Variants in DIS3L2 observed in about 807,000 individuals in gnomAD.
DIS3L2 encodes the protein DIS3-like exonuclease 2.
Under a neutral mutation model 97.5 loss-of-function variants are expected in DIS3L2, and 34 were observed. That is an observed-to-expected ratio of 0.35 (90% CI 0.27 to 0.46). DIS3L2 has a LOEUF of 0.46. DIS3L2 is among the 20% of genes least tolerant of loss of function. The pLI, the probability that DIS3L2 is intolerant of heterozygous loss-of-function variation, is 1.00. For missense variants in DIS3L2, 1,038 were observed against 1,146.0 expected, an observed-to-expected ratio of 0.91 and a Z score of 1.36; for synonymous variants, 435 against 445.2, an observed-to-expected ratio of 0.98 and a Z score of 0.29.
At chr2:232,172,184 T>G (rs1691011837) in intron 9 of DIS3L2, among the ~76,000 whole-genome samples, 1 of 152,224 alleles carries the variant, frequency 6.6e-6, no homozygotes, top group Non-Finnish European at 1.5e-5. Context: ...AAATTAATCA[T>G]TTTAAATTCA....
chr2:232,123,922 A>G (rs1428236844), intron 6 of DIS3L2, among the ~76,000 whole-genome samples: 1 of 152,204 alleles, frequency 6.6e-6, no homozygotes, highest in African/African-American at 2.4e-5. Flanking sequence ...CAAAGAATCT[A>G]AAGTCTTGAA....
At chr2:232,320,369 C>G (rs1004491073) in intron 14 of DIS3L2, among the ~76,000 whole-genome samples, 1 of 152,292 alleles carries the variant, frequency 6.6e-6, no homozygotes, top group South Asian at 2.1e-4. Context: ...TTCTTTTAAT[C>G]TTCTGTGTTT....
At chr2:232,209,187 G>T (rs947553708) in intron 9 of DIS3L2, among the ~76,000 whole-genome samples, 2 of 152,112 alleles carry the variant, frequency 1.3e-5, no homozygotes, top group Non-Finnish European at 2.9e-5. Flanking sequence ...GTTACTAGGA[G>T]TAGGGTAAGT....
At chr2:232,060,552 A>G (rs1695675832) in intron 5 of DIS3L2, among the ~76,000 whole-genome samples, 1 of 152,114 alleles carries the variant, frequency 6.6e-6, no homozygotes, top group African/African-American at 2.4e-5. Context: ...TGTTTTGGTT[A>G]CTATAGCTCT....
intron 10 of DIS3L2, among the ~76,000 whole-genome samples, chr2:232,234,425 C>T (rs1192165361): frequency 2.6e-5 from 4 of 152,358 alleles, no homozygotes; most frequent in Admixed American, 2.6e-4. Context: ...TCTTGGCTCA[C>T]TGCAACCTCC....
At chr2:232,280,641 C>T (rs887418968) in intron 13 of DIS3L2, among the ~76,000 whole-genome samples, 3 of 152,278 alleles carry the variant, frequency 2.0e-5, no homozygotes, top group African/African-American at 7.2e-5. Context: ...GGGAAGAAAG[C>T]CTGGTGTGGG....
intron 14 of DIS3L2, among the ~76,000 whole-genome samples, chr2:232,318,918 C>CT (rs2106337615): frequency 6.6e-6 from 1 of 152,350 alleles, no homozygotes; most frequent in East Asian, 1.9e-4. Flanking sequence ...CCCACCGTCT[C>CT]TCCCTGAAAC....
intron 6 of DIS3L2, among the ~76,000 whole-genome samples, chr2:232,128,062 C>T (rs908532767): frequency 1.3e-5 from 2 of 152,088 alleles, no homozygotes; most frequent in Non-Finnish European, 2.9e-5. Flanking sequence ...GTGATCCTCC[C>T]ACGTGAACCT....
At chr2:232,057,225 G>C (rs1695569845) in intron 5 of DIS3L2, among the ~76,000 whole-genome samples, 1 of 152,078 alleles carries the variant, frequency 6.6e-6, no homozygotes, top group Non-Finnish European at 1.5e-5. Flanking sequence ...AATTGAAAGG[G>C]GCAAGAGAAG....
chr2:232,255,289 C>A (rs1032679656), intron 12 of DIS3L2, among the ~76,000 whole-genome samples: 6 of 152,168 alleles, frequency 3.9e-5, no homozygotes. Context: ...CTTCTCTTGG[C>A]GTAAAGGTTT....
At chr2:232,078,997 G>A (rs1411110526) in intron 5 of DIS3L2, among the ~76,000 whole-genome samples, 1 of 152,218 alleles carries the variant, frequency 6.6e-6, no homozygotes, top group Non-Finnish European at 1.5e-5. Flanking sequence ...TAGATACAGT[G>A]TGCCATCTCT....
intron 1 of DIS3L2, among the ~76,000 whole-genome samples, chr2:231,967,277 AATTCTGCATTATAAGTT>A (rs1230967965): frequency 1.3e-5 from 2 of 152,172 alleles, no homozygotes; most frequent in Non-Finnish European, 2.9e-5. Context: ...CTAATTGAAG[AATTCTGCATTATAAGTT>A]CCTTTTTGGT....
intron 4 of DIS3L2, among the ~76,000 whole-genome samples, chr2:232,027,929 A>G (rs1694704781): frequency 6.6e-6 from 1 of 152,204 alleles, no homozygotes; most frequent in Non-Finnish European, 1.5e-5. Flanking sequence ...AGAGGAGAAA[A>G]TTGATCAGAT....
At chr2:232,008,189 CTTTTT>C (rs35011144) in intron 1 of DIS3L2, among the ~76,000 whole-genome samples, 2 of 127,768 alleles carry the variant, frequency 1.6e-5, no homozygotes, top group African/African-American at 5.7e-5. Context: ...ATTTTTTGTA[CTTTTT>C]TTTTTTTTTT....
chr2:232,131,867 G>A (rs1698226164), intron 7 of DIS3L2: 1 of 149,958 alleles, frequency 6.7e-6, no homozygotes, highest in African/African-American at 2.5e-5. Context: ...TGGAAAGCCT[G>A]GGGATGGATC....
intron 8 of DIS3L2, among the ~76,000 whole-genome samples, chr2:232,142,873 T>C (rs1690104297): frequency 6.6e-6 from 1 of 152,204 alleles, no homozygotes; most frequent in Non-Finnish European, 1.5e-5. Flanking sequence ...TGTTTGATTG[T>C]TCCCCACTTG....
chr2:232,289,691 C>T (rs186260921), intron 13 of DIS3L2, among the ~76,000 whole-genome samples: 2 of 152,266 alleles, frequency 1.3e-5, no homozygotes, highest in African/African-American at 4.8e-5. Flanking sequence ...GATCTACACA[C>T]ATAACTATCC....
intron 8 of DIS3L2, among the ~76,000 whole-genome samples, chr2:232,145,436 A>G (rs1690191987): frequency 6.6e-6 from 1 of 152,204 alleles, no homozygotes; most frequent in Admixed American, 6.5e-5. Flanking sequence ...TTCTATGTAG[A>G]TAATCACATC....
At chr2:232,162,541 A>C (rs528766096) in intron 8 of DIS3L2, among the ~76,000 whole-genome samples, 2 of 152,356 alleles carry the variant, frequency 1.3e-5, no homozygotes, top group East Asian at 3.9e-4. Context: ...TTTTCATAGA[A>C]ATCGAATAGC....
Sources: allele counts gnomAD v4.1 joint callset (sites outside exome capture counted in the v4.1 genomes callset), GRCh38; gene constraint gnomAD v4.1.1; transcripts MANE v1.5; gene names NCBI Gene and HGNC (gene_info 2026-07-23, HGNC 2026-07-21).